Variants in TRIO observed in about 807,000 individuals in gnomAD.
The protein encoded by TRIO is triple functional domain protein.
TRIO carries 58 observed loss-of-function variants against 351.9 expected under a neutral mutation model. The ratio of observed to expected loss-of-function variants is 0.16; its 90% CI spans 0.13 to 0.21. The LOEUF is 0.21. Among genes scored for constraint, TRIO ranks in the 10% least tolerant of loss-of-function variants. The pLI is 1.00. For synonymous variants in TRIO, 1,758 were observed against 1,595.7 expected (o/e 1.10, Z -2.42); for missense variants, 3,201 against 4,027.8 (o/e 0.79, Z 5.56).
rs1581281764 is a variant in TRIO, at chr5:14,178,525, AAAC to A, written c.157+34645_157+34647del. 3.3e-5 allele frequency among the ~76,000 whole-genome samples: 5 copies of A among 152,348 alleles called. No homozygotes were observed. In the East Asian group the frequency reaches 9.6e-4, roughly 29 times the overall value. ...TGATAAGCTGACCGCGTAATTGTCT[AAAC>A]AGAGATGGTGTTGAGAGTGAAAGAG... is the stretch of plus-strand genomic sequence containing the variant. On this transcript the variant is annotated intron_variant, in intron 1 of 56. Coordinates refer to ENST00000344204, the MANE Select transcript of TRIO (RefSeq NM_007118.4).
intron 33 of TRIO, among the ~76,000 whole-genome samples, chr5:14,413,594 T>A (rs1384684178): frequency 2.0e-5 from 3 of 152,146 alleles, no homozygotes; most frequent in Non-Finnish European, 2.9e-5. Context: ...TTTTTGTATA[T>A]TTTTTTAGAT....
rs114422492 is a variant in TRIO at position 14,472,830 on chromosome 5, C to T, written c.5979+172C>T. 0.018 allele frequency among the ~76,000 whole-genome samples: 2,745 copies of T among 152,294 alleles called. 37 individuals carry two copies. The highest frequency in any genetic ancestry group is 0.037 in the Admixed American group (561 of 15,302). ...AATTAAGTTTAGCCAATTGTCTTTA[C>T]CATCTGTATTCAGTTGTAAATGCTT... is the stretch of plus-strand genomic sequence containing the variant. On this transcript the variant is annotated intron_variant, in intron 39 of 56. Coordinates refer to ENST00000344204, the MANE Select transcript of TRIO (RefSeq NM_007118.4).
At chr5:14,430,509 A>G (rs1435417545) in intron 34 of TRIO, among the ~76,000 whole-genome samples, 1 of 152,118 alleles carries the variant, frequency 6.6e-6, no homozygotes, top group Non-Finnish European at 1.5e-5. Context: ...ATGGTGCCCC[A>G]TACGCCTTCC....
chr5:14,274,453 A>T (rs1454824470), intron 2 of TRIO, among the ~76,000 whole-genome samples: 1 of 152,108 alleles, frequency 6.6e-6, no homozygotes. Flanking sequence ...AGGGAGTTTT[A>T]TTAGGAGAGT....
rs140908771 is a variant in TRIO, at chr5:14,468,889, G to A, written c.5764-2429G>A. Among the ~76,000 whole-genome samples, 62 of 152,248 alleles carry A rather than the reference G, an allele frequency of 4.1e-4. 1 individual carries two copies. In the East Asian group the frequency reaches 0.012, roughly 29 times the overall value. On this transcript the variant is annotated intron_variant, in intron 37 of 56. Coordinates refer to ENST00000344204, the MANE Select transcript of TRIO (RefSeq NM_007118.4). ...AACCTAAAACCTGAGGATTTGACTC[G>A]AAAAATGAAAGCCCCCCTGAAAACT...
chr5:14,235,453 G>A (rs891561941), intron 1 of TRIO, among the ~76,000 whole-genome samples: 2 of 152,182 alleles, frequency 1.3e-5, no homozygotes, highest in Non-Finnish European at 2.9e-5. Flanking sequence ...TGACACTGGA[G>A]TCTCTGGTTT....
At chr5:14,364,068 T>A (rs1744387672) in intron 14 of TRIO, 141 bp downstream of exon 14, 1 of 789,390 alleles carries the variant, frequency 1.3e-6, no homozygotes, top group Admixed American at 3.1e-5. Flanking sequence ...TAAAAGAACG[T>A]TTGCATTTTT....
chr5:14,448,498 TG>T (rs1390359424), intron 34 of TRIO, among the ~76,000 whole-genome samples: 1 of 152,232 alleles, frequency 6.6e-6, no homozygotes, highest in Non-Finnish European at 1.5e-5. Flanking sequence ...CCCTGACCTC[TG>T]CTGTCAGACT....
In TRIO at chr5:14,166,848, C is replaced by T. The variant is rs543589578; in HGVS notation, c.157+22966C>T. ...GGTAGATTCTTACGGATGAGGTGTGCGTGTCTGTGGAATATGGGCATAGGC... is the reference window on the plus strand; with the variant it reads ...GGTAGATTCTTACGGATGAGGTGTGTGTGTCTGTGGAATATGGGCATAGGC... On this transcript the variant is annotated intron_variant, in intron 1 of 56. Transcript: ENST00000344204. Among the ~76,000 whole-genome samples the T allele has an allele frequency of 6.6e-4, 100 of 152,172 alleles. 1 individual carries two copies. Among genetic ancestry groups the T allele is most frequent in the South Asian group, 2.3e-3 (11 of 4,810 alleles).
intron 55 of TRIO, among the ~76,000 whole-genome samples, chr5:14,505,990 A>C (rs952196290): frequency 6.6e-6 from 1 of 152,054 alleles, no homozygotes; most frequent in Non-Finnish European, 1.5e-5. Context: ...TAAAAGTCAC[A>C]CTGGCTTTGG....
At chr5:14,295,641 A>G (rs755232813) in intron 6 of TRIO, among the ~76,000 whole-genome samples, 5 of 152,214 alleles carry the variant, frequency 3.3e-5, no homozygotes, top group Non-Finnish European at 7.3e-5. Context: ...GGATATAGAG[A>G]AAGCAAAATT....
At chr5:14,207,035 A>T (rs946020515) in intron 1 of TRIO, among the ~76,000 whole-genome samples, 1 of 152,220 alleles carries the variant, frequency 6.6e-6, no homozygotes, top group Non-Finnish European at 1.5e-5. Flanking sequence ...CTTGGATTAA[A>T]CAAAGATTTG....
At chr5:14,186,678 A>G (rs774199823) in intron 1 of TRIO, among the ~76,000 whole-genome samples, 10 of 152,040 alleles carry the variant, frequency 6.6e-5, no homozygotes, top group Non-Finnish European at 1.5e-4. Flanking sequence ...CCCTGGTTCA[A>G]GCGATTCTCT....
rs1581347580 is a variant in TRIO at position 14,205,620 on chromosome 5, A to C, written c.157+61738A>C. On this transcript the variant is annotated intron_variant, in intron 1 of 56. Coordinates refer to ENST00000344204, the MANE Select transcript of TRIO (RefSeq NM_007118.4). ...TAACATTAATTTTTATTATCTGGCTACTGTGTTATTAACACAAAATATAAG... is the reference window on the plus strand; with the variant it reads ...TAACATTAATTTTTATTATCTGGCTCCTGTGTTATTAACACAAAATATAAG... Among the ~76,000 whole-genome samples the C allele has an allele frequency of 2.6e-5, 4 of 152,358 alleles. 1 individual carries two copies. Among genetic ancestry groups the C allele is most frequent in the Admixed American group, 2.6e-4 (4 of 15,304 alleles).
Position 14,509,251 on chromosome 5 carries a change from G to A in TRIO, c.*829G>A. Reference sequence around the variant, plus strand: ...AAATGCACTCATTGGGGGTTTTTTGGTTTTACTTCATATCATGTGCAATGT... The same window carrying A: ...AAATGCACTCATTGGGGGTTTTTTGATTTTACTTCATATCATGTGCAATGT... On this transcript the variant is annotated 3_prime_UTR_variant, in exon 57 of 57. Coordinates refer to ENST00000344204, the MANE Select transcript of TRIO (RefSeq NM_007118.4). 2.0e-5 allele frequency: 7 copies of A among 352,388 alleles called. No individual in the cohort carries two copies. The highest frequency in any genetic ancestry group is 1.5e-4 in the South Asian group (7 of 46,908). 21.8% of individuals were successfully genotyped at this position (352,388 alleles called of 1,614,324 possible).
rs564149709 is a variant in TRIO at position 14,207,557 on chromosome 5, C to T, written c.158-63268C>T. Among the ~76,000 whole-genome samples, 440 of 146,304 alleles carry T rather than the reference C, an allele frequency of 3.0e-3. 2 individuals are homozygous for T. The highest frequency in any genetic ancestry group is 9.4e-3 in the African/African-American group (376 of 39,990). On this transcript the variant is annotated intron_variant, in intron 1 of 56. Coordinates refer to ENST00000344204, the MANE Select transcript of TRIO (RefSeq NM_007118.4). The stretch of plus-strand genomic sequence containing the variant: ...ACACACACACACACACACACACACA[C>T]GGAGCCAGGTGTGGTGGCATGCACC...
chr5:14,401,489 C>A (rs1748064379), intron 31 of TRIO, among the ~76,000 whole-genome samples: 1 of 152,148 alleles, frequency 6.6e-6, no homozygotes, highest in African/African-American at 2.4e-5. Flanking sequence ...CGAGGCCAAC[C>A]GTACCCACAG....
intron 1 of TRIO, among the ~76,000 whole-genome samples, chr5:14,191,237 A>AATGTGT (rs1184251850): frequency 6.6e-6 from 1 of 152,206 alleles, no homozygotes; most frequent in Non-Finnish European, 1.5e-5. Flanking sequence ...CGTATATATA[A>AATGTGT]ATGTGTATGT....
chr5:14,174,703 G>GTAGA (rs1327614109), intron 1 of TRIO, among the ~76,000 whole-genome samples: 1 of 152,194 alleles, frequency 6.6e-6, no homozygotes, highest in African/African-American at 2.4e-5. Flanking sequence ...CCCTCCATAG[G>GTAGA]TAGAGGTCAG....
Sources: gnomAD v4.1 joint callset for allele counts (sites outside exome capture counted in the v4.1 genomes callset) on GRCh38, gnomAD v4.1.1 for gene constraint, MANE v1.5 for transcripts, NCBI Gene and HGNC (gene_info 2026-07-23, HGNC 2026-07-21) for gene names.